The following TMEM266 variants were observed in gnomAD, a reference collection of about 807,000 sequenced individuals.
TMEM266 encodes the protein transmembrane protein 266.
TMEM266 carries 33 observed loss-of-function variants against 50.5 expected under a neutral mutation model. The observed-to-expected ratio is 0.65, with a 90% CI of 0.50 to 0.87. The LOEUF is 0.87. TMEM266 is among the 40% of genes least tolerant of loss of function. The pLI is 0.00. For synonymous variants in TMEM266, 310 were observed against 292.3 expected (o/e 1.06, Z -0.62); for missense variants, 655 against 695.1 (o/e 0.94, Z 0.65).
chr15:76,084,282 C>A (rs900563830), intron 1 of TMEM266, among the ~76,000 whole-genome samples: 7 of 152,174 alleles, frequency 4.6e-5, no homozygotes, highest in Middle Eastern at 3.4e-3. Context: ...CCACTGCTCT[C>A]CAGCCTGGGC....
chr15:76,192,675 G>C (rs2038598398), intron 9 of TMEM266, among the ~76,000 whole-genome samples: 1 of 152,220 alleles, frequency 6.6e-6, no homozygotes, highest in Non-Finnish European at 1.5e-5. Context: ...ACGAGACGGT[G>C]ATGTTGGTGG....
At chr15:76,065,961 G>A (rs886729495) in intron 1 of TMEM266, among the ~76,000 whole-genome samples, 20 of 152,186 alleles carry the variant, frequency 1.3e-4, no homozygotes, top group Middle Eastern at 3.4e-3. Flanking sequence ...GAAGAATGCC[G>A]AGGGGTGCCC....
At chr15:76,197,028 C>T (rs746478409) in intron 9 of TMEM266, among the ~76,000 whole-genome samples, 36 of 152,214 alleles carry the variant, frequency 2.4e-4, no homozygotes, top group Non-Finnish European at 5.0e-4. Flanking sequence ...GGAACCTTCG[C>T]GTCCCCCACG....
chr15:76,097,182 T>C (rs2036934113), intron 1 of TMEM266, among the ~76,000 whole-genome samples: 1 of 152,044 alleles, frequency 6.6e-6, no homozygotes, highest in African/African-American at 2.4e-5. Context: ...ATTTTGCCCG[T>C]CAATTGATGC....
intron 1 of TMEM266, among the ~76,000 whole-genome samples, chr15:76,097,138 G>A (rs1304599679): frequency 6.6e-6 from 1 of 151,958 alleles, no homozygotes; most frequent in Non-Finnish European, 1.5e-5. Flanking sequence ...TGTTATGTGT[G>A]AATTTGATCC....
At position 76,168,754 on chromosome 15, in the gene TMEM266, G is replaced by T. The variant is rs373792991; in HGVS notation, c.457-1062G>T. Reference sequence around the variant, plus strand: ...CCAGGTCCCTTGAGCCTCCACTGGGGGATGGGGAGGGAATCAGCACAAGGT... The same window carrying T: ...CCAGGTCCCTTGAGCCTCCACTGGGTGATGGGGAGGGAATCAGCACAAGGT... On this transcript the variant is annotated intron_variant, in intron 5 of 10. Transcript: ENST00000388942. The surrounding 1 kb of genome is among the most constrained non-coding windows in gnomAD (Gnocchi z 4.4). Among the ~76,000 whole-genome samples, 5 of 152,374 alleles carry T rather than the reference G, an allele frequency of 3.3e-5. No homozygotes were observed. The highest frequency in any genetic ancestry group is 5.9e-5 in the Non-Finnish European group (4 of 68,042).
chr15:76,078,311 C>T (rs964748264), intron 1 of TMEM266, among the ~76,000 whole-genome samples: 4 of 151,940 alleles, frequency 2.6e-5, no homozygotes, highest in Admixed American at 6.6e-5. Context: ...CCCGGGGCCC[C>T]GGTAGTGAAT....
In TMEM266 at chr15:76,160,178, G is replaced by C. The variant is rs947547256; in HGVS notation, c.456+10G>C. 3 of 1,612,650 alleles carry C rather than the reference G, an allele frequency of 1.9e-6. No homozygotes were observed. Among genetic ancestry groups the C allele is most frequent in the Non-Finnish European group, 2.5e-6 (3 of 1,178,598 alleles). ...CGTGTTCTTCTCAGAGGTAGGTGGA[G>C]ACTCTGGCCCTGTCACCTCCTCTGT... On this transcript the variant is annotated intron_variant, in intron 5 of 10. Coordinates refer to ENST00000388942, the MANE Select transcript of TMEM266 (RefSeq NM_152335.3). The surrounding 1 kb of genome is among the most constrained non-coding windows in gnomAD (Gnocchi z 5.7).
Position 76,104,679 on chromosome 15 carries a change from C to T in TMEM266, c.-96-29489C>T, listed in dbSNP as rs117885799. On this transcript the variant is annotated intron_variant, in intron 1 of 10. Transcript: ENST00000388942. ...ATGTGGAGGTTTGCTCGTGATTGCT[C>T]GATTTCCCAGGGAAATGAGGAGGTC... Among the ~76,000 whole-genome samples, 111 of 152,114 alleles carry T rather than the reference C, an allele frequency of 7.3e-4. 1 individual carries two copies. The highest frequency in any genetic ancestry group is 1.7e-3 in the South Asian group (8 of 4,816).
chr15:76,104,817 G>C (rs149241898), intron 1 of TMEM266, among the ~76,000 whole-genome samples: 2 of 152,274 alleles, frequency 1.3e-5, no homozygotes, highest in African/African-American at 4.8e-5. Flanking sequence ...GATGGCAGTG[G>C]CATTGCTGGG....
intron 3 of TMEM266, among the ~76,000 whole-genome samples, chr15:76,144,217 T>TTAC (rs3065684): frequency 0.43 from 65,153 of 151,568 alleles, 15,496 homozygotes; most frequent in East Asian, 0.62. Flanking sequence ...CACCCACCCA[T>TTAC]TACCAAAATG....
intron 8 of TMEM266, among the ~76,000 whole-genome samples, chr15:76,189,533 AGAG>A (rs931602383): frequency 3.3e-5 from 5 of 152,330 alleles, no homozygotes; most frequent in African/African-American, 1.2e-4. Context: ...AAGTGCTCAC[AGAG>A]GAGGACAGTG....
At chr15:76,147,044 G>A (rs541000024) in intron 3 of TMEM266, among the ~76,000 whole-genome samples, 9 of 152,318 alleles carry the variant, frequency 5.9e-5, no homozygotes, top group African/African-American at 1.9e-4. Flanking sequence ...ATGCAAATAA[G>A]GATTAGAAGA....
At chr15:76,186,799 C>A (rs1326525103) in intron 8 of TMEM266, among the ~76,000 whole-genome samples, 1 of 152,200 alleles carries the variant, frequency 6.6e-6, no homozygotes, top group Non-Finnish European at 1.5e-5. Flanking sequence ...TGTACCACCA[C>A]TCCCACCACT....
chr15:76,094,197 A>G (rs1452865719), intron 1 of TMEM266, among the ~76,000 whole-genome samples: 4 of 152,040 alleles, frequency 2.6e-5, no homozygotes, highest in Non-Finnish European at 5.9e-5. Flanking sequence ...GCCATTGCCT[A>G]TGTCCTAAAT....
chr15:76,166,257 G>T (rs1388359889), intron 5 of TMEM266, among the ~76,000 whole-genome samples: 1 of 152,174 alleles, frequency 6.6e-6, no homozygotes, highest in Non-Finnish European at 1.5e-5. Context: ...CAGCAGGTGG[G>T]GTGTATCAGA....
intron 1 of TMEM266, among the ~76,000 whole-genome samples, chr15:76,062,032 T>G (rs901242592): frequency 6.6e-6 from 1 of 152,232 alleles, no homozygotes; most frequent in Non-Finnish European, 1.5e-5. Flanking sequence ...TTTAATCATT[T>G]TTTTAAAGTG....
intron 1 of TMEM266, among the ~76,000 whole-genome samples, chr15:76,116,374 C>T (rs941625564): frequency 5.9e-5 from 9 of 152,144 alleles, no homozygotes; most frequent in Non-Finnish European, 1.0e-4. Flanking sequence ...TTTCTTGGTT[C>T]TCACCTAGCT....
chr15:76,155,630 G>A (rs1008787143), intron 3 of TMEM266, among the ~76,000 whole-genome samples: 1 of 152,118 alleles, frequency 6.6e-6, no homozygotes, highest in Admixed American at 6.5e-5. Context: ...TGATGCATAA[G>A]AGCATATTGA....
Sources: allele counts gnomAD v4.1 joint callset (sites outside exome capture counted in the v4.1 genomes callset), GRCh38; gene constraint gnomAD v4.1.1; non-coding constraint Gnocchi (gnomAD v3.1); transcripts MANE v1.5; gene names NCBI Gene and HGNC (gene_info 2026-07-23, HGNC 2026-07-21).